Variants in LRP1B observed in about 807,000 individuals in gnomAD.
LRP1B encodes low-density lipoprotein receptor-related protein 1B.
A neutral mutation model predicts 556.6 loss-of-function variants in LRP1B; 217 were observed. That is an observed-to-expected ratio of 0.39 (90% CI 0.35 to 0.44). The LOEUF (loss-of-function observed/expected upper bound fraction) is 0.44. Among genes scored for constraint, LRP1B ranks in the 20% least tolerant of loss-of-function variants. The probability of loss-of-function intolerance (pLI) is 1.00; values close to 1 mark genes in which losing one functional copy is unlikely to be tolerated. For missense variants in LRP1B, 5,053 were observed against 5,620.8 expected (o/e 0.90, Z 3.23); for synonymous variants, 2,047 against 1,865.8 (o/e 1.10, Z -2.50).
intron 2 of LRP1B, among the ~76,000 whole-genome samples, chr2:141,651,451 G>A (rs569787151): frequency 2.6e-5 from 4 of 152,256 alleles, no homozygotes; most frequent in Admixed American, 6.5e-5. Context: ...ATCACTTGAG[G>A]TCGGTAGTCC....
At chr2:141,034,841 G>C (rs1698484284) in intron 11 of LRP1B, among the ~76,000 whole-genome samples, 2 of 151,126 alleles carry the variant, frequency 1.3e-5, no homozygotes, top group African/African-American at 4.9e-5. Flanking sequence ...ATTTGACCCA[G>C]CCATCCCATT....
intron 1 of LRP1B, among the ~76,000 whole-genome samples, chr2:142,127,552 C>T (rs1486857964): frequency 6.6e-6 from 1 of 151,866 alleles, no homozygotes; most frequent in African/African-American, 2.4e-5. Flanking sequence ...TTCTCTCTCA[C>T]TCAGTTTAAA....
intron 32 of LRP1B, among the ~76,000 whole-genome samples, chr2:140,811,270 A>G (rs896360677): frequency 1.3e-5 from 2 of 152,138 alleles, no homozygotes; most frequent in Non-Finnish European, 2.9e-5. Context: ...TCCATTTATC[A>G]GTCAACAAAC....
intron 67 of LRP1B, among the ~76,000 whole-genome samples, chr2:140,378,949 G>T (rs556883112): frequency 6.6e-6 from 1 of 152,238 alleles, no homozygotes; most frequent in East Asian, 1.9e-4. Context: ...TTTAATTATG[G>T]TGTCCCATAG....
chr2:140,810,213 A>G (rs1233683228), intron 32 of LRP1B, among the ~76,000 whole-genome samples: 2 of 152,154 alleles, frequency 1.3e-5, no homozygotes, highest in East Asian at 3.9e-4. Flanking sequence ...ATTTTTTTTA[A>G]CATAGCTTTA....
chr2:141,833,164 CTAAAA>C (rs1697165603), intron 1 of LRP1B, among the ~76,000 whole-genome samples: 3 of 151,648 alleles, frequency 2.0e-5, no homozygotes. Context: ...ATTAATTTCA[CTAAAA>C]TAAATTTTAA....
intron 2 of LRP1B, among the ~76,000 whole-genome samples, chr2:141,736,712 A>G (rs1006396276): frequency 6.6e-6 from 1 of 152,158 alleles, no homozygotes; most frequent in African/African-American, 2.4e-5. Flanking sequence ...AGATAAGCAG[A>G]TGATCATCTT....
intron 1 of LRP1B, among the ~76,000 whole-genome samples, chr2:142,031,479 C>A: frequency 1.1e-5 from 1 of 94,668 alleles, no homozygotes; most frequent in Non-Finnish European, 2.1e-5. Context: ...AATGCTATCC[C>A]TCCCCCCTCC....
chr2:140,777,506 A>T (rs12691566), intron 32 of LRP1B, among the ~76,000 whole-genome samples: 32,993 of 152,106 alleles, frequency 0.22, 3,904 homozygotes, highest in South Asian at 0.3. Context: ...CAAGGAAGAT[A>T]CCAAGTGAAA....
At chr2:140,675,598 T>G (rs1044727233) in intron 41 of LRP1B, among the ~76,000 whole-genome samples, 2 of 151,992 alleles carry the variant, frequency 1.3e-5, no homozygotes, top group Non-Finnish European at 2.9e-5. Flanking sequence ...CAGTGAGATT[T>G]TGCCTCTACA....
intron 16 of LRP1B, among the ~76,000 whole-genome samples, chr2:140,992,196 TA>T (rs1558787023): frequency 6.6e-6 from 1 of 151,896 alleles, no homozygotes; most frequent in Non-Finnish European, 1.5e-5. Flanking sequence ...AGGATTTATT[TA>T]AAAAATTGAG....
At chr2:141,737,490 G>C (rs564801393) in intron 2 of LRP1B, among the ~76,000 whole-genome samples, 89 of 152,252 alleles carry the variant, frequency 5.8e-4, no homozygotes, top group African/African-American at 2.0e-3. Context: ...ACTGGAGGAG[G>C]CATTCTTAAA....
At chr2:140,308,426 A>T (rs1684155729) in intron 83 of LRP1B, among the ~76,000 whole-genome samples, 1 of 151,844 alleles carries the variant, frequency 6.6e-6, no homozygotes, top group East Asian at 1.9e-4. Flanking sequence ...GCTTTCTGTG[A>T]CATAGTGACC....
intron 11 of LRP1B, among the ~76,000 whole-genome samples, chr2:141,029,152 G>T (rs1290131394): frequency 1.6e-4 from 25 of 152,046 alleles, no homozygotes; most frequent in Non-Finnish European, 8.8e-5. Context: ...ATGAAAAGAG[G>T]ATATTGGAGA....
At chr2:140,536,117 G>T (rs960988809) in intron 46 of LRP1B, among the ~76,000 whole-genome samples, 1 of 151,484 alleles carries the variant, frequency 6.6e-6, no homozygotes, top group Admixed American at 6.6e-5. Flanking sequence ...TGAATAAGTC[G>T]GGGGTTCAAA....
intron 10 of LRP1B, among the ~76,000 whole-genome samples, chr2:141,053,488 A>T (rs1264414742): frequency 1.3e-5 from 2 of 151,926 alleles, no homozygotes; most frequent in African/African-American, 4.8e-5. Flanking sequence ...GCTAAATGGT[A>T]TGTTTTTAAA....
chr2:141,615,819 T>C (rs1688275962), intron 2 of LRP1B, among the ~76,000 whole-genome samples: 1 of 152,198 alleles, frequency 6.6e-6, no homozygotes, highest in African/African-American at 2.4e-5. Flanking sequence ...TTAGCATTTA[T>C]TCCTAGGATA....
At chr2:142,122,527 A>G (rs908449973) in intron 1 of LRP1B, among the ~76,000 whole-genome samples, 4 of 152,136 alleles carry the variant, frequency 2.6e-5, no homozygotes, top group Admixed American at 1.3e-4. Flanking sequence ...CAGGACATCA[A>G]TATAGTGCTC....
chr2:140,973,340 A>G (rs943411240), intron 18 of LRP1B, among the ~76,000 whole-genome samples: 1 of 152,036 alleles, frequency 6.6e-6, no homozygotes, highest in African/African-American at 2.4e-5. Context: ...TTGAATTTAC[A>G]CAAAACTAGA....
Sources: gnomAD v4.1 joint callset for allele counts (sites outside exome capture counted in the v4.1 genomes callset) on GRCh38, gnomAD v4.1.1 for gene constraint, MANE v1.5 for transcripts, NCBI Gene and HGNC (gene_info 2026-07-23, HGNC 2026-07-21) for gene names.